Variants in PRKG1 observed in about 807,000 individuals in gnomAD.
The protein encoded by PRKG1 is cGMP-dependent protein kinase 1.
Under a neutral mutation model 88.1 loss-of-function variants are expected in PRKG1, and 35 were observed. The observed-to-expected ratio is 0.40, with a 90% CI of 0.30 to 0.53. The LOEUF is 0.53. PRKG1 is among the 20% of genes least tolerant of loss of function. PRKG1 has a pLI of 0.59. For missense variants in PRKG1, 540 were observed against 839.8 expected (o/e 0.64, Z 4.41); for synonymous variants, 303 against 292.5 (o/e 1.04, Z -0.37).
intron 2 of PRKG1, among the ~76,000 whole-genome samples, chr10:51,230,029 C>A (rs909236804): frequency 6.6e-6 from 1 of 151,398 alleles, no homozygotes; most frequent in African/African-American, 2.4e-5. Context: ...TAAGCAATAT[C>A]ACTTGTAAGT....
intron 9 of PRKG1, among the ~76,000 whole-genome samples, chr10:52,239,210 T>C (rs1240251641): frequency 1.5e-5 from 2 of 133,624 alleles, no homozygotes; most frequent in African/African-American, 2.7e-5. Context: ...TTGGGAGATA[T>C]ACCTAATGCT....
intron 1 of PRKG1, among the ~76,000 whole-genome samples, chr10:51,141,748 A>G (rs1232298652): frequency 6.6e-6 from 1 of 152,118 alleles, no homozygotes; most frequent in African/African-American, 2.4e-5. Context: ...ATCTTAAGGT[A>G]GCTAACTCAG....
At chr10:51,077,420 T>C (rs887987163) in intron 1 of PRKG1, among the ~76,000 whole-genome samples, 3 of 152,216 alleles carry the variant, frequency 2.0e-5, no homozygotes, top group African/African-American at 7.2e-5. Flanking sequence ...CTCTTTTTTT[T>C]AGATGTAGGT....
At chr10:51,950,485 C>T (rs1402959624) in intron 5 of PRKG1, among the ~76,000 whole-genome samples, 1 of 152,224 alleles carries the variant, frequency 6.6e-6, no homozygotes, top group Non-Finnish European at 1.5e-5. Context: ...AGCAGGGGCA[C>T]CCTGTCTACC....
intron 1 of PRKG1, among the ~76,000 whole-genome samples, chr10:51,037,240 G>A (rs1418739277): frequency 1.3e-5 from 2 of 151,986 alleles, no homozygotes; most frequent in African/African-American, 4.8e-5. Context: ...TTGAGTCCAG[G>A]AGTTTGAGAC....
chr10:51,120,800 A>G (rs1189925215), intron 1 of PRKG1, among the ~76,000 whole-genome samples: 3 of 152,128 alleles, frequency 2.0e-5, no homozygotes, highest in Non-Finnish European at 4.4e-5. Flanking sequence ...TTAATTTCCT[A>G]TTGTTGCTGT....
intron 2 of PRKG1, among the ~76,000 whole-genome samples, chr10:51,155,864 G>A (rs1006650162): frequency 3.3e-5 from 5 of 151,814 alleles, no homozygotes; most frequent in African/African-American, 7.3e-5. Flanking sequence ...ATGTCTATTC[G>A]TTTAGGTGTT....
At chr10:52,219,180 T>G (rs1840184999) in intron 9 of PRKG1, among the ~76,000 whole-genome samples, 1 of 140,406 alleles carries the variant, frequency 7.1e-6, no homozygotes. Context: ...GAATAGATTT[T>G]GAGCTGGGAG....
chr10:51,499,028 T>C (rs1840947117), intron 3 of PRKG1, among the ~76,000 whole-genome samples: 1 of 152,164 alleles, frequency 6.6e-6, no homozygotes, highest in African/African-American at 2.4e-5. Flanking sequence ...AGCTCTGACC[T>C]AAGAGGTAAA....
intron 1 of PRKG1, among the ~76,000 whole-genome samples, chr10:51,060,249 CTTTG>C (rs948665598): frequency 6.6e-6 from 1 of 151,792 alleles, no homozygotes; most frequent in Non-Finnish European, 1.5e-5. Context: ...GTCAGATAGT[CTTTG>C]TTTAGTAACT....
At chr10:51,690,797 G>A (rs1841117612) in intron 3 of PRKG1, among the ~76,000 whole-genome samples, 2 of 151,378 alleles carry the variant, frequency 1.3e-5, no homozygotes, top group African/African-American at 4.9e-5. Flanking sequence ...GTGGTGGCGA[G>A]CACCTGTACT....
chr10:51,841,502 G>T (rs1183960952), intron 4 of PRKG1, among the ~76,000 whole-genome samples: 1 of 152,100 alleles, frequency 6.6e-6, no homozygotes, highest in African/African-American at 2.4e-5. Flanking sequence ...TGAAATTTCA[G>T]GTCAGTCTTG....
intron 6 of PRKG1, among the ~76,000 whole-genome samples, chr10:52,057,561 C>T (rs1846139219): frequency 6.6e-6 from 1 of 152,074 alleles, no homozygotes; most frequent in Non-Finnish European, 1.5e-5. Flanking sequence ...CAAAATTGAA[C>T]AGGGAACAGG....
chr10:51,781,915 C>T (rs1401253066), intron 3 of PRKG1, among the ~76,000 whole-genome samples: 3 of 151,834 alleles, frequency 2.0e-5, no homozygotes, highest in Non-Finnish European at 4.4e-5. Flanking sequence ...TCCTCATCAT[C>T]ACGTTCCCCC....
At chr10:51,618,558 T>C (rs2132257393) in intron 3 of PRKG1, among the ~76,000 whole-genome samples, 1 of 152,284 alleles carries the variant, frequency 6.6e-6, no homozygotes, top group Non-Finnish European at 1.5e-5. Context: ...CTCACTTTAG[T>C]ACTAACAACT....
intron 3 of PRKG1, among the ~76,000 whole-genome samples, chr10:51,535,764 G>GC (rs1842132176): frequency 6.8e-6 from 1 of 146,966 alleles, no homozygotes; most frequent in South Asian, 2.1e-4. Flanking sequence ...TCACGCTGTT[G>GC]CCCAGGCTGG....
intron 7 of PRKG1, among the ~76,000 whole-genome samples, chr10:52,083,006 G>A (rs1846818708): frequency 6.6e-6 from 1 of 152,006 alleles, no homozygotes; most frequent in Non-Finnish European, 1.5e-5. Context: ...ACGGATTATG[G>A]ATTTGCTTCT....
intron 1 of PRKG1, among the ~76,000 whole-genome samples, chr10:51,108,896 C>G (rs1170431085): frequency 2.0e-5 from 3 of 152,006 alleles, no homozygotes; most frequent in African/African-American, 7.2e-5. Flanking sequence ...GCTACTAGAA[C>G]TGGGAAATGA....
At chr10:52,063,305 G>A (rs1846281352) in intron 7 of PRKG1, among the ~76,000 whole-genome samples, 1 of 152,320 alleles carries the variant, frequency 6.6e-6, no homozygotes, top group African/African-American at 2.4e-5. Flanking sequence ...TGGGATCTTT[G>A]TAAGGCTGCG....
Sources: gnomAD v4.1 joint callset for allele counts (sites outside exome capture counted in the v4.1 genomes callset) on GRCh38, gnomAD v4.1.1 for gene constraint, MANE v1.5 for transcripts, NCBI Gene and HGNC (gene_info 2026-07-23, HGNC 2026-07-21) for gene names.